DNAJC13: variants seen among roughly 807,000 people sequenced by gnomAD.
DNAJC13 encodes the protein dnaJ homolog subfamily C member 13.
A neutral mutation model predicts 290.5 loss-of-function variants in DNAJC13; 75 were observed. The observed-to-expected ratio is 0.26, with a 90% confidence interval of 0.21 to 0.31. DNAJC13 has a LOEUF of 0.31. DNAJC13 is among the 10% of genes least tolerant of loss of function. The probability of loss-of-function intolerance (pLI) is 1.00; values close to 1 mark genes in which losing one functional copy is unlikely to be tolerated. For missense variants in DNAJC13, 2,260 were observed against 2,674.5 expected, an observed-to-expected ratio of 0.85 and a Z score of 3.42; for synonymous variants, 862 against 892.0, an observed-to-expected ratio of 0.97 and a Z score of 0.60.
intron 54 of DNAJC13, among the ~76,000 whole-genome samples, chr3:132,529,238 T>C (rs1236673843): frequency 6.6e-6 from 1 of 152,218 alleles, no homozygotes; most frequent in African/African-American, 2.4e-5. Context: ...TCATTTAGCA[T>C]GTTTTTAAGC....
In DNAJC13 at chr3:132,516,469, A is replaced by G; in HGVS notation, c.5533A>G (p.Lys1845Glu). The G allele has an allele frequency of 6.2e-7, 1 of 1,613,852 alleles. No individual in the cohort carries two copies. The highest frequency in any genetic ancestry group is 8.5e-7 in the Non-Finnish European group (1 of 1,179,790). The change falls in exon 47 of 56, where the codon AAA becomes GAA. Residue 1845 changes from lysine (K) to glutamate (E), a missense_variant. By Grantham distance (56) the Lys-to-Glu change is moderately conservative. This residue lies in a region of DNAJC13 where 1,494 missense variants were observed against 1,693.7 expected (regional missense o/e 0.88). Transcript: ENST00000260818. ...TCTTTATGCTTTGACATCGAGTACA[A>G]AAATAATCAAAGAAGCAATGGCAAA... ...ETLYALTSST[K>E]IIKEAMAKGA...
At chr3:132,525,982 GT>G (rs1936244150) in intron 52 of DNAJC13, among the ~76,000 whole-genome samples, 158 bp from the exon 53 acceptor site, 1 of 152,126 alleles carries the variant, frequency 6.6e-6, no homozygotes, top group Non-Finnish European at 1.5e-5. Context: ...ATAAATACCA[GT>G]TTAGGTGATA....
intron 2 of DNAJC13, 58 bp downstream of exon 2, chr3:132,434,676 CTG>C: frequency 7.2e-7 from 1 of 1,392,156 alleles, no homozygotes; most frequent in African/African-American, 1.4e-5. Flanking sequence ...TTAAACATTA[CTG>C]TGTTTCATAA....
chr3:132,488,682 G>A (rs1576494653), intron 30 of DNAJC13, among the ~76,000 whole-genome samples: 2 of 151,948 alleles, frequency 1.3e-5, no homozygotes, highest in East Asian at 1.9e-4. Context: ...ATTTAAGTAT[G>A]TATTTAATAT....
chr3:132,457,567 G>A, intron 13 of DNAJC13, 199 bp downstream of exon 13: 2 of 518,056 alleles, frequency 3.9e-6, no homozygotes, highest in Non-Finnish European at 6.8e-6. Flanking sequence ...AAGATCTTAA[G>A]ACAGAAGTTC....
chr3:132,419,727 C>A (rs1938901912), intron 1 of DNAJC13, among the ~76,000 whole-genome samples: 1 of 152,136 alleles, frequency 6.6e-6, no homozygotes, highest in Non-Finnish European at 1.5e-5. Flanking sequence ...AACTGCAGCA[C>A]AAATTTGGTT....
At position 132,461,168 on chromosome 3, in the gene DNAJC13, T is replaced by C. The variant is rs1265337230; in HGVS notation, c.1676T>C (p.Val559Ala). The change falls in exon 15 of 56, where the codon GTA becomes GCA. Residue 559 changes from valine to alanine, a missense_variant. Coordinates refer to ENST00000260818, the MANE Select transcript of DNAJC13 (RefSeq NM_015268.4). Reference protein sequence around the residue: ...GQQFDMLLEMVASNGRTLFKL... With the variant: ...GQQFDMLLEMAASNGRTLFKL... ...CAGTTTGATATGCTCTTGGAGATGG[T>C]AGCATCCAATGGAAGAACCCTTTTT... 6.2e-7 allele frequency: 1 copy of C among 1,614,106 alleles called. No individual in the cohort carries two copies. The highest frequency in any genetic ancestry group is 1.1e-5 in the South Asian group (1 of 91,086).
At chr3:132,530,956 G>C (rs770305298) in intron 54 of DNAJC13, 42 bp from the exon 55 acceptor site, 1 of 1,565,588 alleles carries the variant, frequency 6.4e-7, no homozygotes. Flanking sequence ...CCAACATCCA[G>C]TCCTTGATTT....
chr3:132,434,720 C>A, intron 2 of DNAJC13, 102 bp downstream of exon 2: 2 of 781,600 alleles, frequency 2.6e-6, no homozygotes, highest in Non-Finnish European at 1.9e-6. Context: ...TCAGGCTATA[C>A]AGCCCTTCTC....
At chr3:132,454,305 C>T in intron 9 of DNAJC13, 148 bp downstream of exon 9, 1 of 573,270 alleles carries the variant, frequency 1.7e-6, no homozygotes, top group East Asian at 3.5e-5. Context: ...AATGACCCTC[C>T]CATTTTCAAT....
chr3:132,435,267 A>G (rs1414293129), intron 2 of DNAJC13, among the ~76,000 whole-genome samples: 1 of 152,222 alleles, frequency 6.6e-6, no homozygotes, highest in African/African-American at 2.4e-5. Flanking sequence ...TATTCAGTGA[A>G]TGGCATCTGT....
intron 29 of DNAJC13, 58 bp from the exon 30 acceptor site, chr3:132,488,240 C>G (rs1934946900): frequency 1.3e-6 from 2 of 1,482,002 alleles, no homozygotes; most frequent in East Asian, 4.6e-5. Flanking sequence ...AATAAAAAAC[C>G]TAAAGTGATG....
At position 132,494,271 on chromosome 3, in the gene DNAJC13, T is replaced by G. The variant is rs775174064; in HGVS notation, c.3941+12T>G. On this transcript the variant is annotated intron_variant, in intron 34 of 55. Transcript: ENST00000260818. ...CAAGGACAGGGACCGTGAGTTGTTT[T>G]CAGTACAATAGCAAATGTCTGTCCC... 1.3e-6 allele frequency: 2 copies of G among 1,576,398 alleles called. No homozygotes were observed. The highest frequency in any genetic ancestry group is 3.3e-5 in the Admixed American group (2 of 59,732).
chr3:132,433,692 G>C (rs1487254816), intron 1 of DNAJC13, among the ~76,000 whole-genome samples: 1 of 152,150 alleles, frequency 6.6e-6, no homozygotes, highest in Non-Finnish European at 1.5e-5. Context: ...TTTGACTCTT[G>C]GAAAATGTGT....
rs1399454224 is a variant in DNAJC13 at position 132,437,804 on chromosome 3, A to G, written c.68+3186A>G. On this transcript the variant is annotated intron_variant, in intron 2 of 55. Transcript: ENST00000260818. ...GGTATTCCTGGTCTCTTGCATTTCCATATGAATTTTAGAGTCAGTTGTTAA... is the reference window on the plus strand; with the variant it reads ...GGTATTCCTGGTCTCTTGCATTTCCGTATGAATTTTAGAGTCAGTTGTTAA... Among the ~76,000 whole-genome samples, 5 of 152,236 alleles carry G rather than the reference A, an allele frequency of 3.3e-5. No homozygotes were observed. In the East Asian group the frequency reaches 9.7e-4, roughly 29 times the overall value.
At chr3:132,453,958 C>A in intron 8 of DNAJC13, 108 bp from the exon 9 acceptor site, 1 of 907,368 alleles carries the variant, frequency 1.1e-6, no homozygotes, top group Non-Finnish European at 1.7e-6. Context: ...GTAAACAAGT[C>A]ACATCTTAAA....
At chr3:132,531,841 T>G (rs1398402888) in intron 55 of DNAJC13, among the ~76,000 whole-genome samples, 1 of 152,128 alleles carries the variant, frequency 6.6e-6, no homozygotes, top group African/African-American at 2.4e-5. Context: ...GTGATTTGTT[T>G]ATGGTTTTGC....
intron 38 of DNAJC13, among the ~76,000 whole-genome samples, chr3:132,500,175 T>C (rs1178449539): frequency 6.6e-6 from 1 of 152,244 alleles, no homozygotes; most frequent in Non-Finnish European, 1.5e-5. Context: ...CTATCTCTAG[T>C]ATTTTAATTG....
chr3:132,463,569 G>A (rs1240366042), intron 16 of DNAJC13, 127 bp from the exon 17 acceptor site: 6 of 1,021,594 alleles, frequency 5.9e-6, no homozygotes, highest in Non-Finnish European at 4.1e-6. Flanking sequence ...ATTAGAAGAT[G>A]CATTTTAAAA....
Sources: gnomAD v4.1 joint callset for allele counts (sites outside exome capture counted in the v4.1 genomes callset) on GRCh38, gnomAD v4.1.1 for gene constraint, gnomAD v4.1.1 regional missense constraint, MANE v1.5 for transcripts, NCBI Gene and HGNC (gene_info 2026-07-23, HGNC 2026-07-21) for gene names.